BABAM2: variants seen among roughly 807,000 people sequenced by gnomAD.
BABAM2 encodes BRISC and BRCA1 A complex member 2.
BABAM2 carries 31 observed loss-of-function variants against 54.7 expected under a neutral mutation model. The observed-to-expected ratio is 0.57, with a 90% CI of 0.43 to 0.77. The LOEUF is 0.77. Ranked by LOEUF, BABAM2 falls within the 30% of genes least tolerant of loss-of-function variation. The probability of loss-of-function intolerance (pLI) is 0.00; values close to 1 mark genes in which losing one functional copy is unlikely to be tolerated. For missense variants in BABAM2, 364 were observed against 455.8 expected (o/e 0.80, Z 1.83); for synonymous variants, 167 against 162.9 (o/e 1.03, Z -0.19).
At chr2:28,303,702 C>T (rs1332423848) in intron 11 of BABAM2, among the ~76,000 whole-genome samples, 2 of 151,932 alleles carry the variant, frequency 1.3e-5, no homozygotes, top group Non-Finnish European at 2.9e-5. Flanking sequence ...CCCACCTCTC[C>T]CCACTCCAAC....
intron 11 of BABAM2, among the ~76,000 whole-genome samples, chr2:28,334,850 G>C (rs2148342064): frequency 6.6e-6 from 1 of 152,264 alleles, no homozygotes; most frequent in Admixed American, 6.5e-5. Flanking sequence ...GGCTTCTCCT[G>C]CCCTGCCCGG....
At chr2:28,295,836 G>A (rs1371660592) in intron 10 of BABAM2, among the ~76,000 whole-genome samples, 30 of 151,956 alleles carry the variant, frequency 2.0e-4, no homozygotes, top group Non-Finnish European at 7.4e-5. Flanking sequence ...GAAGAGGCGC[G>A]GTGGTTCACG....
chr2:28,131,918 A>G (rs1254254975), intron 7 of BABAM2, among the ~76,000 whole-genome samples: 1 of 152,188 alleles, frequency 6.6e-6, no homozygotes, highest in Admixed American at 6.5e-5. Flanking sequence ...GCTGCAGGCA[A>G]TAATTTGCCA....
intron 6 of BABAM2, among the ~76,000 whole-genome samples, chr2:28,112,197 C>CCCTCCCTTCCTT (rs1558347424): frequency 7.8e-5 from 2 of 25,486 alleles, no homozygotes; most frequent in Non-Finnish European, 1.4e-4. Flanking sequence ...CTCCCTCCCT[C>CCCTCCCTTCCTT]CCTTCCTTCC....
chr2:28,239,153 T>C (rs577017888), intron 8 of BABAM2, among the ~76,000 whole-genome samples: 5 of 152,372 alleles, frequency 3.3e-5, no homozygotes, highest in African/African-American at 1.2e-4. Flanking sequence ...ATCATCTGTT[T>C]TTCTTTTCTC....
intron 7 of BABAM2, among the ~76,000 whole-genome samples, chr2:28,176,443 A>C (rs1167742326): frequency 6.6e-6 from 1 of 151,242 alleles, no homozygotes; most frequent in Admixed American, 6.6e-5. Context: ...GGTGGCGCAC[A>C]CCTGTAGTCC....
chr2:28,309,407 A>G (rs1688861630), intron 11 of BABAM2: 1 of 152,166 alleles, frequency 6.6e-6, no homozygotes, highest in African/African-American at 2.4e-5. Flanking sequence ...GTTTACCAGA[A>G]TGAAATCCAT....
chr2:28,250,593 TTG>T (rs1443910066), intron 10 of BABAM2, among the ~76,000 whole-genome samples: 1 of 121,610 alleles, frequency 8.2e-6, no homozygotes, highest in South Asian at 2.7e-4. Context: ...TCTTTTTTTT[TTG>T]TTTGTTTGTT....
At chr2:28,106,838 G>T (rs1667570499) in intron 6 of BABAM2, among the ~76,000 whole-genome samples, 1 of 151,996 alleles carries the variant, frequency 6.6e-6, no homozygotes, top group African/African-American at 2.4e-5. Flanking sequence ...TTAATTTCTA[G>T]TTCATTTAAT....
intron 7 of BABAM2, among the ~76,000 whole-genome samples, chr2:28,153,803 G>A (rs1003874169): frequency 6.6e-6 from 1 of 152,180 alleles, no homozygotes; most frequent in Admixed American, 6.5e-5. Flanking sequence ...AGGAATATCT[G>A]TCTTGAAGTT....
intron 6 of BABAM2, among the ~76,000 whole-genome samples, chr2:28,097,792 G>A (rs1666751246): frequency 1.3e-5 from 2 of 152,070 alleles, no homozygotes; most frequent in East Asian, 1.9e-4. Context: ...TAGCCTGCAC[G>A]TATGGTGTGA....
In BABAM2 at chr2:28,120,054, G is replaced by A. The variant is rs546978203; in HGVS notation, c.571-9217G>A. On this transcript the variant is annotated intron_variant, in intron 6 of 11. Transcript: ENST00000379624. ...CCATTCTCCTTCCTTAATTAACTGA[G>A]TCCATGTAAAGATGTCAGGTGAATA... Among the ~76,000 whole-genome samples, 8 of 152,276 alleles carry A rather than the reference G, an allele frequency of 5.3e-5. No homozygotes were observed. The South Asian group carries it at 1.7e-3, about 32-fold the overall frequency.
At chr2:28,269,358 G>A (rs546422030) in intron 10 of BABAM2, among the ~76,000 whole-genome samples, 1 of 152,274 alleles carries the variant, frequency 6.6e-6, no homozygotes, top group East Asian at 1.9e-4. Context: ...CTCTGCACCC[G>A]GAATGAGTCA....
intron 3 of BABAM2, among the ~76,000 whole-genome samples, chr2:27,972,009 G>A (rs1039401056): frequency 1.3e-5 from 2 of 152,050 alleles, no homozygotes; most frequent in South Asian, 2.1e-4. Flanking sequence ...TTTATGCACC[G>A]AAATAAGTAT....
At chr2:28,254,910 A>T (rs576555932) in intron 10 of BABAM2, among the ~76,000 whole-genome samples, 81 of 150,834 alleles carry the variant, frequency 5.4e-4, no homozygotes, top group South Asian at 4.6e-3. Context: ...TTTTTTAAAA[A>T]TTTTTCCATA....
chr2:28,225,687 A>C (rs1252917123), intron 7 of BABAM2, among the ~76,000 whole-genome samples: 1 of 151,826 alleles, frequency 6.6e-6, no homozygotes, highest in Non-Finnish European at 1.5e-5. Context: ...GTTCAAAATC[A>C]TATAAATAGC....
At chr2:28,170,715 G>A (rs1674225171) in intron 7 of BABAM2, among the ~76,000 whole-genome samples, 1 of 152,104 alleles carries the variant, frequency 6.6e-6, no homozygotes, top group African/African-American at 2.4e-5. Flanking sequence ...GGGGATTAGA[G>A]GGCTTTTTGT....
chr2:28,265,414 G>A (rs892801262), intron 10 of BABAM2, among the ~76,000 whole-genome samples: 11 of 152,174 alleles, frequency 7.2e-5, no homozygotes, highest in South Asian at 2.1e-4. Context: ...GTGACAGAGC[G>A]AGACTCTGTC....
rs138538087 is a variant in BABAM2 at position 28,060,813 on chromosome 2, T to C, written c.570+15014T>C. On this transcript the variant is annotated intron_variant, in intron 6 of 11. Coordinates refer to ENST00000379624, the MANE Select transcript of BABAM2 (RefSeq NM_199191.3). ...TTTTATCCTGAAAACTACAAAACATTGCTGAGAGAAACTAATGAAGATCTA... is the reference window on the plus strand; with the variant it reads ...TTTTATCCTGAAAACTACAAAACATCGCTGAGAGAAACTAATGAAGATCTA... Among the ~76,000 whole-genome samples, 963 of 152,238 alleles carry C rather than the reference T, an allele frequency of 6.3e-3. 7 individuals carry two copies. Among genetic ancestry groups the C allele is most frequent in the Non-Finnish European group, 7.9e-3 (536 of 67,986 alleles).
Sources: allele counts gnomAD v4.1 joint callset (sites outside exome capture counted in the v4.1 genomes callset), GRCh38; gene constraint gnomAD v4.1.1; transcripts MANE v1.5; gene names NCBI Gene and HGNC (gene_info 2026-07-23, HGNC 2026-07-21).